The following DTWD2 variants were observed in gnomAD, a reference collection of about 807,000 sequenced individuals.
The protein encoded by DTWD2 is tRNA-uridine aminocarboxypropyltransferase 2.
Under a neutral mutation model 31.8 loss-of-function variants are expected in DTWD2, and 39 were observed. That is an observed-to-expected ratio of 1.22 (90% CI 0.95 to 1.60). DTWD2 has a LOEUF of 1.60. DTWD2 is among the 40% of genes most tolerant of loss of function. The probability of loss-of-function intolerance (pLI) is 0.00; values close to 1 mark genes in which losing one functional copy is unlikely to be tolerated. For missense variants in DTWD2, 515 were observed against 381.5 expected (o/e 1.35, Z -2.92); for synonymous variants, 180 against 142.8 (o/e 1.26, Z -1.86).
chr5:118,892,655 C>G (rs529520747), intron 4 of DTWD2, among the ~76,000 whole-genome samples: 2 of 152,120 alleles, frequency 1.3e-5, no homozygotes, highest in East Asian at 3.9e-4. Context: ...ATCTTAACAA[C>G]AAATTTGTGG....
intron 4 of DTWD2, among the ~76,000 whole-genome samples, chr5:118,891,252 T>G (rs79591866): frequency 0.022 from 3,288 of 149,686 alleles, 52 homozygotes; most frequent in Non-Finnish European, 0.034. Context: ...AGGTCAAGTA[T>G]TTTTTTTTTA....
intron 4 of DTWD2, among the ~76,000 whole-genome samples, chr5:118,868,095 C>T (rs1752419165): frequency 6.6e-6 from 1 of 151,688 alleles, no homozygotes; most frequent in African/African-American, 2.4e-5. Flanking sequence ...ATTAAAGAGC[C>T]CAAAAATAAA....
intron 1 of DTWD2, among the ~76,000 whole-genome samples, chr5:118,964,647 G>A (rs1754788104): frequency 6.6e-6 from 1 of 152,246 alleles, no homozygotes; most frequent in Admixed American, 6.5e-5. Context: ...TCGCTGTGTT[G>A]GCCGGGCTGG....
chr5:118,882,465 C>G (rs556026324), intron 4 of DTWD2, among the ~76,000 whole-genome samples: 2 of 152,358 alleles, frequency 1.3e-5, no homozygotes, highest in East Asian at 3.9e-4. Context: ...CTAGGCAGTG[C>G]TCCACTGGGG....
At chr5:118,981,854 A>G (rs550637875) in intron 1 of DTWD2, among the ~76,000 whole-genome samples, 33 of 152,252 alleles carry the variant, frequency 2.2e-4, no homozygotes, top group Non-Finnish European at 4.0e-4. Context: ...AGGTAAAGGA[A>G]AAGAATCTTT....
intron 1 of DTWD2, among the ~76,000 whole-genome samples, chr5:118,975,216 T>A (rs1324565254): frequency 6.6e-6 from 1 of 152,228 alleles, no homozygotes; most frequent in Non-Finnish European, 1.5e-5. Flanking sequence ...GGAGGCTTTG[T>A]TCGTTCCTTT....
chr5:118,846,920 G>GCACACA (rs144531960), intron 5 of DTWD2, among the ~76,000 whole-genome samples: 1,885 of 134,946 alleles, frequency 0.014, 49 homozygotes, highest in East Asian at 0.066. Context: ...AAACACACAG[G>GCACACA]CACACACACA....
At position 118,894,416 on chromosome 5, in the gene DTWD2, G is replaced by C. The variant is rs958716533; in HGVS notation, c.597+34121C>G. On this transcript the variant is annotated intron_variant, in intron 4 of 5. Transcript: ENST00000510708. Reference sequence around the variant, plus strand: ...TTTGATCAAAAAAAGAGAAAGAATAGAGCTTAAGGGACATACTACCTGATT... The same window carrying C: ...TTTGATCAAAAAAAGAGAAAGAATACAGCTTAAGGGACATACTACCTGATT... 3.3e-5 allele frequency among the ~76,000 whole-genome samples: 5 copies of C among 152,092 alleles called. No homozygotes were observed. In the East Asian group the frequency reaches 7.7e-4, roughly 23 times the overall value.
chr5:118,890,632 A>G (rs1478754859), intron 4 of DTWD2, among the ~76,000 whole-genome samples: 1 of 125,974 alleles, frequency 7.9e-6, no homozygotes, highest in Non-Finnish European at 1.6e-5. Flanking sequence ...GTGCAGTGGC[A>G]CAATCTTGGC....
intron 4 of DTWD2, among the ~76,000 whole-genome samples, chr5:118,879,130 T>C (rs759751802): frequency 6.6e-6 from 1 of 152,186 alleles, no homozygotes; most frequent in African/African-American, 2.4e-5. Context: ...AGAGGTCCCA[T>C]TACTGGCTAT....
At chr5:118,987,526 A>G (rs1755455278) in intron 1 of DTWD2, among the ~76,000 whole-genome samples, 1 of 152,144 alleles carries the variant, frequency 6.6e-6, no homozygotes, top group Non-Finnish European at 1.5e-5. Context: ...TCATGACACC[A>G]TTGAGCTATT....
intron 1 of DTWD2, among the ~76,000 whole-genome samples, chr5:118,980,455 A>C (rs368133909): frequency 2.6e-5 from 4 of 152,252 alleles, no homozygotes; most frequent in Non-Finnish European, 5.9e-5. Context: ...AGTGTCCATG[A>C]AACTGTGACA....
chr5:118,917,474 T>C (rs1753603843), intron 4 of DTWD2, among the ~76,000 whole-genome samples: 1 of 152,174 alleles, frequency 6.6e-6, no homozygotes, highest in South Asian at 2.1e-4. Context: ...TCAGAGACAA[T>C]ATTAGTCTGT....
At chr5:118,846,065 AT>A (rs1219707045) in intron 5 of DTWD2, among the ~76,000 whole-genome samples, 1 of 152,174 alleles carries the variant, frequency 6.6e-6, no homozygotes, top group Non-Finnish European at 1.5e-5. Context: ...AAAGTTCCTC[AT>A]TAGTTAACTT....
intron 4 of DTWD2, among the ~76,000 whole-genome samples, chr5:118,859,358 G>C (rs1407073736): frequency 6.6e-6 from 1 of 152,118 alleles, no homozygotes; most frequent in East Asian, 1.9e-4. Flanking sequence ...ATCAATATTT[G>C]ATTTTTCACT....
At chr5:118,926,935 C>T (rs1451930692) in intron 4 of DTWD2, among the ~76,000 whole-genome samples, 1 of 152,176 alleles carries the variant, frequency 6.6e-6, no homozygotes, top group Non-Finnish European at 1.5e-5. Flanking sequence ...TTGTAACATT[C>T]ATTTCTCACA....
chr5:118,896,357 A>G (rs1753083452), intron 4 of DTWD2, among the ~76,000 whole-genome samples: 1 of 152,198 alleles, frequency 6.6e-6, no homozygotes, highest in Admixed American at 6.5e-5. Flanking sequence ...AGTACATCTG[A>G]GCCTGTAATA....
At chr5:118,898,919 A>T (rs1326484569) in intron 4 of DTWD2, among the ~76,000 whole-genome samples, 4 of 152,212 alleles carry the variant, frequency 2.6e-5, no homozygotes, top group African/African-American at 9.7e-5. Context: ...TTTAGATATT[A>T]TTTGCCAATT....
At chr5:118,916,483 T>C (rs751360798) in intron 4 of DTWD2, among the ~76,000 whole-genome samples, 14 of 152,086 alleles carry the variant, frequency 9.2e-5, no homozygotes, top group South Asian at 4.2e-4. Context: ...CTGATCAACA[T>C]GAAGAAACCC....
Sources: allele counts gnomAD v4.1 joint callset (sites outside exome capture counted in the v4.1 genomes callset), GRCh38; gene constraint gnomAD v4.1.1; transcripts MANE v1.5; gene names NCBI Gene and HGNC (gene_info 2026-07-23, HGNC 2026-07-21).